Variants in SLC12A8 observed in about 807,000 individuals in gnomAD.
SLC12A8 encodes cation-chloride cotransporter 9.
SLC12A8 carries 69 observed loss-of-function variants against 75.6 expected under a neutral mutation model. The observed-to-expected ratio is 0.91, with a 90% CI of 0.75 to 1.11. The LOEUF is 1.11. SLC12A8 is among the 50% of genes most tolerant of loss of function. The pLI is 0.00. For synonymous variants in SLC12A8, 365 were observed against 372.8 expected (o/e 0.98, Z 0.24); for missense variants, 877 against 896.7 (o/e 0.98, Z 0.28).
At chr3:125,211,469 C>T in intron 1 of SLC12A8, 75 bp from the exon 2 acceptor site, 1 of 847,884 alleles carries the variant, frequency 1.2e-6, no homozygotes, top group Non-Finnish European at 2.0e-6. Flanking sequence ...TTTCTCTCTA[C>T]TAGAATTGTT....
chr3:125,191,945 T>C (rs1934916983), intron 2 of SLC12A8, among the ~76,000 whole-genome samples: 1 of 152,124 alleles, frequency 6.6e-6, no homozygotes, highest in African/African-American at 2.4e-5. Flanking sequence ...CTCCTGAAAG[T>C]CAATAATTGT....
chr3:125,121,413 A>G (rs1317911851), intron 6 of SLC12A8, among the ~76,000 whole-genome samples: 2 of 152,328 alleles, frequency 1.3e-5, no homozygotes, highest in East Asian at 3.9e-4. Context: ...AAGTGCCATA[A>G]CAACTCAGTG....
chr3:125,113,269 C>G, intron 8 of SLC12A8, among the ~76,000 whole-genome samples: 1 of 152,172 alleles, frequency 6.6e-6, no homozygotes, highest in East Asian at 1.9e-4. Context: ...CCAAGTATAG[C>G]AACCTATGTC....
intron 5 of SLC12A8, among the ~76,000 whole-genome samples, chr3:125,156,802 C>T (rs1299180507): frequency 6.6e-6 from 1 of 152,240 alleles, no homozygotes; most frequent in Admixed American, 6.5e-5. Flanking sequence ...AGTCCCTCCC[C>T]ATTTGTGCCT....
At position 125,102,304 on chromosome 3, in the gene SLC12A8, G is replaced by A. The variant is rs1024388335; in HGVS notation, c.1705+5177C>T. ...GGCAGGAAGGAATAAAGAACATGGT[G>A]TGTTTAGGACATCAGTTTGGGTGAA... On this transcript the variant is annotated intron_variant, in intron 10 of 13. Coordinates refer to ENST00000469902, the MANE Select transcript of SLC12A8 (RefSeq NM_024628.6). 1.3e-5 allele frequency among the ~76,000 whole-genome samples: 2 copies of A among 152,170 alleles called. 1 individual carries two copies. Among genetic ancestry groups the A allele is most frequent in the South Asian group, 4.1e-4 (2 of 4,832 alleles).
At chr3:125,094,629 A>G (rs1938667752) in intron 10 of SLC12A8, among the ~76,000 whole-genome samples, 1 of 152,136 alleles carries the variant, frequency 6.6e-6, no homozygotes, top group African/African-American at 2.4e-5. Context: ...ATCATTCCCA[A>G]CAAATACAAA....
At chr3:125,106,838 C>A (rs562615805) in intron 10 of SLC12A8, among the ~76,000 whole-genome samples, 3 of 152,250 alleles carry the variant, frequency 2.0e-5, no homozygotes, top group African/African-American at 4.8e-5. Flanking sequence ...TCTGTGACCT[C>A]ATGTGGACAC....
At chr3:125,144,109 C>T (rs899382709) in intron 5 of SLC12A8, among the ~76,000 whole-genome samples, 2 of 152,108 alleles carry the variant, frequency 1.3e-5, no homozygotes, top group Non-Finnish European at 2.9e-5. Flanking sequence ...CTGTCAAATG[C>T]CCAAGAATGT....
intron 1 of SLC12A8, 43 bp from the exon 2 acceptor site, chr3:125,211,437 C>G (rs1935335529): frequency 9.8e-7 from 1 of 1,019,490 alleles, no homozygotes; most frequent in Non-Finnish European, 1.6e-6. Context: ...CTTCTCCTCT[C>G]CTCTCCCCTT....
At chr3:125,091,380 T>G in intron 12 of SLC12A8, 59 bp downstream of exon 12, 1 of 1,130,800 alleles carries the variant, frequency 8.8e-7, no homozygotes, top group Non-Finnish European at 1.3e-6. Flanking sequence ...AATCTTTTTT[T>G]TCCCAATGAA....
chr3:125,158,066 G>A (rs1433398428), intron 5 of SLC12A8, among the ~76,000 whole-genome samples: 8 of 152,122 alleles, frequency 5.3e-5, no homozygotes, highest in African/African-American at 1.4e-4. Flanking sequence ...ATCAGGGACC[G>A]AATGTTAGCA....
intron 6 of SLC12A8, 135 bp from the exon 7 acceptor site, chr3:125,120,821 C>G: frequency 1.4e-6 from 1 of 728,748 alleles, no homozygotes; most frequent in Non-Finnish European, 2.5e-6. Context: ...TGCAGCTCTG[C>G]GCATAGGCTG....
chr3:125,202,400 G>A (rs1056055164), intron 2 of SLC12A8, among the ~76,000 whole-genome samples: 2 of 152,150 alleles, frequency 1.3e-5, no homozygotes, highest in Middle Eastern at 3.2e-3. Flanking sequence ...CAGGCCAGGC[G>A]GCCAGAGTAA....
intron 10 of SLC12A8, among the ~76,000 whole-genome samples, chr3:125,094,113 C>T (rs750469356): frequency 7.2e-5 from 11 of 152,140 alleles, no homozygotes; most frequent in Non-Finnish European, 1.0e-4. Context: ...TACCAGTAAC[C>T]TTACACTTCC....
At chr3:125,110,435 T>A (rs1939159911) in intron 8 of SLC12A8, 100 bp from the exon 9 acceptor site, 1 of 1,201,392 alleles carries the variant, frequency 8.3e-7, no homozygotes. Context: ...AATCATCCAC[T>A]GAGTCGTCTA....
intron 7 of SLC12A8, 129 bp from the exon 8 acceptor site, chr3:125,118,985 C>A: frequency 1.6e-6 from 1 of 609,510 alleles, no homozygotes; most frequent in South Asian, 2.1e-5. Flanking sequence ...AGTCATGAAG[C>A]TTCCCCAGCT....
chr3:125,175,330 G>C (rs905949440), intron 5 of SLC12A8, among the ~76,000 whole-genome samples: 2 of 152,066 alleles, frequency 1.3e-5, no homozygotes, highest in African/African-American at 4.8e-5. Flanking sequence ...TTTGGTTTCA[G>C]TTTGGATTTT....
chr3:125,120,005 G>T (rs909133127), intron 7 of SLC12A8: 3 of 417,408 alleles, frequency 7.2e-6, no homozygotes, highest in African/African-American at 2.1e-5. Flanking sequence ...CTGACGGCCT[G>T]GGGGAGCTGG....
intron 6 of SLC12A8, among the ~76,000 whole-genome samples, chr3:125,133,216 T>C (rs1933401895): frequency 6.6e-6 from 1 of 152,164 alleles, no homozygotes; most frequent in South Asian, 2.1e-4. Context: ...AAAGTTATTG[T>C]CTTTTTCATT....
Sources: gnomAD v4.1 joint callset for allele counts (sites outside exome capture counted in the v4.1 genomes callset) on GRCh38, gnomAD v4.1.1 for gene constraint, MANE v1.5 for transcripts, NCBI Gene and HGNC (gene_info 2026-07-23, HGNC 2026-07-21) for gene names.